Variants in FGF13 observed in about 807,000 individuals in gnomAD.
FGF13 encodes the protein fibroblast growth factor homologous factor 2.
A neutral mutation model predicts 19.5 loss-of-function variants in FGF13; 2 were observed. That is an observed-to-expected ratio of 0.10 (90% confidence interval 0.04 to 0.32). The LOEUF (loss-of-function observed/expected upper bound fraction) is 0.32, where lower values mean the gene tolerates loss of function less well. FGF13 is among the 10% of genes least tolerant of loss of function. The pLI, the probability that FGF13 is intolerant of heterozygous loss-of-function variation, is 1.00. For synonymous variants in FGF13, 72 were observed against 76.9 expected (o/e 0.94, Z 0.33); for missense variants, 113 against 192.7 (o/e 0.59, Z 2.45).
intron 1 of FGF13, among the ~76,000 whole-genome samples, chrX:139,120,508 T>C (rs1018381522): frequency 3.6e-5 from 4 of 111,861 alleles, no homozygotes; most frequent in Non-Finnish European, 7.5e-5. Context: ...GAGCTAGGAT[T>C]GGAATCCACT....
chrX:139,061,164 A>G (rs1189400620), intron 1 of FGF13, among the ~76,000 whole-genome samples: 1 of 111,885 alleles, frequency 8.9e-6, no homozygotes, highest in South Asian at 3.7e-4. Context: ...TATGTCTACA[A>G]TCATCCATGA....
At chrX:138,784,708 C>G (rs767939981) in intron 3 of FGF13, among the ~76,000 whole-genome samples, 42 of 111,701 alleles carry the variant, frequency 3.8e-4, no homozygotes, top group African/African-American at 1.2e-3. Context: ...ACCTCACCAC[C>G]TTCTCACAGT....
At chrX:138,719,184 G>A (rs745347664) in intron 1 of FGF13, among the ~76,000 whole-genome samples, 3 of 112,000 alleles carry the variant, frequency 2.7e-5, no homozygotes, top group Non-Finnish European at 5.6e-5. Flanking sequence ...GTGGTGCCTG[G>A]ATGTGACTAT....
chrX:138,944,829 C>A (rs1165617610), intron 1 of FGF13, among the ~76,000 whole-genome samples: 1 of 111,461 alleles, frequency 9.0e-6, no homozygotes, highest in Non-Finnish European at 1.9e-5. Flanking sequence ...AGTTGCTAAA[C>A]AGAAGTGGCA....
At chrX:139,033,633 GA>G (rs1328337884) in intron 1 of FGF13, among the ~76,000 whole-genome samples, 1 of 111,738 alleles carries the variant, frequency 8.9e-6, no homozygotes, top group Non-Finnish European at 1.9e-5. Context: ...ATTGTACTGA[GA>G]AAAAAGCCAT....
rs771220940 is a variant in FGF13 at position 138,673,505 on chromosome X, T to C, written c.402+29479A>G. 1.2e-3 allele frequency among the ~76,000 whole-genome samples: 134 copies of C among 111,679 alleles called. 1 individual carries two copies. Among genetic ancestry groups the C allele is most frequent in the African/African-American group, 4.2e-3 (130 of 30,743 alleles). On this transcript the variant is annotated intron_variant, in intron 3 of 4. Coordinates refer to ENST00000315930, the MANE Select transcript of FGF13 (RefSeq NM_004114.5). ...AAGGGCAAGGGGACAACGGTGGGAATTGCCATGTTGGGTGGACCCAGTTTT... is the reference window on the plus strand; with the variant it reads ...AAGGGCAAGGGGACAACGGTGGGAACTGCCATGTTGGGTGGACCCAGTTTT...
chrX:138,917,771 G>A (rs2091624714), intron 1 of FGF13, among the ~76,000 whole-genome samples: 2 of 111,101 alleles, frequency 1.8e-5, no homozygotes, highest in African/African-American at 6.6e-5. Context: ...TTTTGCTACA[G>A]GCAACATCTG....
intron 2 of FGF13, among the ~76,000 whole-genome samples, chrX:138,858,746 T>A (rs1292154880): frequency 9.7e-6 from 1 of 102,744 alleles, no homozygotes; most frequent in Non-Finnish European, 1.9e-5. Flanking sequence ...AATAATGCCG[T>A]GGTGTTTGTA....
In FGF13 at chrX:138,627,208, C is replaced by T. The variant is rs192367656; in HGVS notation, c.*5642G>A. 5 of 111,503 alleles carry T rather than the reference C, an allele frequency of 4.5e-5. No homozygotes were observed. The East Asian group carries it at 1.4e-3, about 31-fold the overall frequency. 9.2% of individuals were successfully genotyped at this position (111,503 alleles called of 1,213,427 possible). On this transcript the variant is annotated 3_prime_UTR_variant, in exon 5 of 5. Coordinates refer to ENST00000315930, the MANE Select transcript of FGF13 (RefSeq NM_004114.5). ...CAGGCCTCAGTAATGTGCTGTGAAGCGCTGACAGTATTTAAGGTCATAAAT... is the reference window on the plus strand; with the variant it reads ...CAGGCCTCAGTAATGTGCTGTGAAGTGCTGACAGTATTTAAGGTCATAAAT...
chrX:139,096,042 G>C (rs916281901), intron 1 of FGF13, among the ~76,000 whole-genome samples: 1 of 112,020 alleles, frequency 8.9e-6, no homozygotes, highest in Non-Finnish European at 1.9e-5. Context: ...CATTACTCCA[G>C]TATGAATGCC....
downstream of FGF13, among the ~76,000 whole-genome samples, chrX:138,854,128 T>TTG (rs1417919976): frequency 1.8e-5 from 2 of 112,110 alleles, no homozygotes; most frequent in African/African-American, 6.5e-5. Flanking sequence ...GTGGCTTTCT[T>TTG]TTAACAAAGA....
intron 3 of FGF13, among the ~76,000 whole-genome samples, chrX:138,795,337 A>T (rs2090770494): frequency 8.9e-6 from 1 of 112,428 alleles, no homozygotes; most frequent in Non-Finnish European, 1.9e-5. Flanking sequence ...AAACACAATG[A>T]CACAAAACAG....
intron 1 of FGF13, among the ~76,000 whole-genome samples, chrX:138,988,487 C>A (rs1479122893): frequency 3.6e-5 from 4 of 111,868 alleles, no homozygotes; most frequent in African/African-American, 1.3e-4. Context: ...TAGGAAAGCC[C>A]ACAGATTGAA....
chrX:139,144,506 A>C (rs2083871854), intron 1 of FGF13, among the ~76,000 whole-genome samples: 1 of 104,353 alleles, frequency 9.6e-6, no homozygotes, highest in South Asian at 3.9e-4. Context: ...GCAGTCAGGC[A>C]CTCATTCTGC....
At chrX:139,037,037 C>A (rs529563625) in intron 1 of FGF13, among the ~76,000 whole-genome samples, 1 of 110,859 alleles carries the variant, frequency 9.0e-6, no homozygotes, top group Admixed American at 9.6e-5. Context: ...TAGGTCAGAT[C>A]AAGCAATAGA....
Position 138,690,110 on chromosome X carries a change from A to G in FGF13, c.402+12874T>C, listed in dbSNP as rs1303636212. ...TAATACATGTGTTTTGTATCCACTT[A>G]TTGCTTCTAGTGTTAACCACCCATC... On this transcript the variant is annotated intron_variant, in intron 3 of 4. Coordinates refer to ENST00000315930, the MANE Select transcript of FGF13 (RefSeq NM_004114.5). 2.7e-5 allele frequency among the ~76,000 whole-genome samples: 3 copies of G among 111,707 alleles called. No homozygotes were observed. In the Admixed American group the frequency reaches 2.9e-4, roughly 11 times the overall value.
At chrX:138,984,396 C>G (rs34659842) in intron 1 of FGF13, among the ~76,000 whole-genome samples, 1 of 101,558 alleles carries the variant, frequency 9.8e-6, no homozygotes, top group Non-Finnish European at 2.0e-5. Flanking sequence ...GCCTGGGCGG[C>G]AGAGTGAGAC....
intron 3 of FGF13, among the ~76,000 whole-genome samples, chrX:138,800,809 C>T (rs866061177): frequency 8.9e-6 from 1 of 111,896 alleles, no homozygotes; most frequent in African/African-American, 3.2e-5. Flanking sequence ...CTAATCTTAT[C>T]CTCATGCTTT....
intron 1 of FGF13, among the ~76,000 whole-genome samples, chrX:139,007,253 A>T (rs2092106046): frequency 8.9e-6 from 1 of 111,920 alleles, no homozygotes; most frequent in Admixed American, 9.5e-5. Flanking sequence ...AGACAAAAAG[A>T]AAGTCACTGT....
Sources: gnomAD v4.1 joint callset for allele counts (sites outside exome capture counted in the v4.1 genomes callset) on GRCh38, gnomAD v4.1.1 for gene constraint, MANE v1.5 for transcripts, NCBI Gene and HGNC (gene_info 2026-07-23, HGNC 2026-07-21) for gene names.